CREM: variants seen among roughly 807,000 people sequenced by gnomAD.
CREM encodes the protein cAMP-responsive element modulator.
In CREM, 13 loss-of-function variants were observed where a neutral mutation model predicts 37.3. The observed-to-expected ratio is 0.35, with a 90% CI of 0.23 to 0.55. The LOEUF (loss-of-function observed/expected upper bound fraction) is 0.55. CREM is among the 20% of genes least tolerant of loss of function. The probability of loss-of-function intolerance (pLI) is 0.88; values close to 1 mark genes in which losing one functional copy is unlikely to be tolerated. For missense variants in CREM, 296 were observed against 362.3 expected (o/e 0.82, Z 1.49); for synonymous variants, 124 against 120.2 (o/e 1.03, Z -0.21).
intron 6 of CREM, among the ~76,000 whole-genome samples, chr10:35,188,705 G>C (rs1227853146): frequency 6.6e-6 from 1 of 150,946 alleles, no homozygotes; most frequent in Non-Finnish European, 1.5e-5. Flanking sequence ...TGGCGCCCAG[G>C]CTGGAGTACA....
chr10:35,211,431 C>T lies in CREM; in HGVS notation c.*33C>T, dbSNP rs972747731. On this transcript the variant is annotated 3_prime_UTR_variant, in exon 8 of 8. Coordinates refer to ENST00000685392, the MANE Select transcript of CREM (RefSeq NM_183011.2). Reference sequence around the variant, plus strand: ...TGACTTGGACCTTGTTTACTCTAATCAAGGCAGGAGATGCAGCAGTCCTAC... The same window carrying T: ...TGACTTGGACCTTGTTTACTCTAATTAAGGCAGGAGATGCAGCAGTCCTAC... 4 of 1,603,334 alleles carry T rather than the reference C, an allele frequency of 2.5e-6. No homozygotes were observed. The highest frequency in any genetic ancestry group is 2.6e-6 in the Non-Finnish European group (3 of 1,174,664).
intron 3 of CREM, among the ~76,000 whole-genome samples, chr10:35,174,367 A>G (rs534566892): frequency 6.6e-6 from 1 of 152,168 alleles, no homozygotes; most frequent in African/African-American, 2.4e-5. Context: ...TATTAATTCT[A>G]TTTTCTAATA....
Position 35,211,949 on chromosome 10 carries a change from C to T in CREM, c.*551C>T, listed in dbSNP as rs957653709. ...AACATTCCTAAAATGCTTCACTGTA[C>T]GTAGTTAAGTCGTAGCTATAACTTC... On this transcript the variant is annotated 3_prime_UTR_variant, in exon 8 of 8. Transcript: ENST00000685392. 3.0e-5 allele frequency: 24 copies of T among 787,298 alleles called. No homozygotes were observed. The highest frequency in any genetic ancestry group is 1.1e-4 in the Admixed American group (3 of 28,032). 48.8% of individuals were successfully genotyped at this position (787,298 alleles called of 1,614,324 possible). A position where few individuals can be genotyped will look rare whatever the true frequency, so the allele number is the denominator to read the frequency against.
At chr10:35,164,945 G>A (rs556545298) in intron 3 of CREM, among the ~76,000 whole-genome samples, 5 of 151,828 alleles carry the variant, frequency 3.3e-5, no homozygotes, top group South Asian at 2.1e-4. Context: ...CAGCTACGCC[G>A]GAGGCTGAGG....
intron 3 of CREM, among the ~76,000 whole-genome samples, chr10:35,159,040 C>T (rs2093124992): frequency 6.6e-6 from 1 of 151,922 alleles, no homozygotes; most frequent in East Asian, 1.9e-4. Context: ...TTCTTGAATT[C>T]ATCAGGGCTT....
At chr10:35,142,971 G>A (rs1421927730) in intron 2 of CREM, among the ~76,000 whole-genome samples, 2 of 152,094 alleles carry the variant, frequency 1.3e-5, no homozygotes, top group Non-Finnish European at 2.9e-5. Flanking sequence ...TGCAGGCATA[G>A]AGGAGATGAA....
chr10:35,162,195 C>A (rs1382575153), intron 3 of CREM, among the ~76,000 whole-genome samples: 3 of 152,198 alleles, frequency 2.0e-5, no homozygotes, highest in Non-Finnish European at 4.4e-5. Context: ...TGCATGCTCT[C>A]ACTCATGTGT....
chr10:35,144,771 T>A (rs1250783736), intron 2 of CREM, among the ~76,000 whole-genome samples: 3 of 152,104 alleles, frequency 2.0e-5, no homozygotes, highest in African/African-American at 7.2e-5. Flanking sequence ...CTTCTTGGAT[T>A]CTACAGTGTG....
At chr10:35,173,145 T>TA (rs1252495618) in intron 3 of CREM, among the ~76,000 whole-genome samples, 11 of 152,214 alleles carry the variant, frequency 7.2e-5, no homozygotes, top group Non-Finnish European at 2.9e-5. Flanking sequence ...TACAAAATCT[T>TA]ACGTGGGTAA....
Position 35,149,481 on chromosome 10 carries a change from C to A in CREM, c.168+990C>A, listed in dbSNP as rs187831598. On this transcript the variant is annotated intron_variant, in intron 3 of 7. Transcript: ENST00000685392. ...TAGTATTGAAATATTTTCAGGTGCC[C>A]ACCGTATTTTCAGTTTTGACACTAG... 2.6e-5 allele frequency among the ~76,000 whole-genome samples: 4 copies of A among 152,018 alleles called. No individual in the cohort carries two copies. The East Asian group carries it at 7.7e-4, about 29-fold the overall frequency.
At chr10:35,134,341 C>G (rs1291757812) in intron 1 of CREM, among the ~76,000 whole-genome samples, 1 of 152,202 alleles carries the variant, frequency 6.6e-6, no homozygotes, top group Non-Finnish European at 1.5e-5. Context: ...CTCACCCTCC[C>G]AAGGAGCTGG....
At chr10:35,174,383 C>T (rs985171264) in intron 3 of CREM, among the ~76,000 whole-genome samples, 2 of 152,160 alleles carry the variant, frequency 1.3e-5, no homozygotes, top group East Asian at 1.9e-4. Context: ...TAATAGTGCA[C>T]CTAGTACAAG....
intron 6 of CREM, among the ~76,000 whole-genome samples, chr10:35,193,086 T>A (rs970248021): frequency 1.3e-5 from 2 of 152,198 alleles, no homozygotes; most frequent in Non-Finnish European, 2.9e-5. Context: ...TAGGCAACCT[T>A]CTGTGAGTTC....
rs556409967 is a variant in CREM at position 35,178,636 on chromosome 10, C to T, written c.169-253C>T. On this transcript the variant is annotated intron_variant, in intron 3 of 7. Coordinates refer to ENST00000685392, the MANE Select transcript of CREM (RefSeq NM_183011.2). ...CATTTGACATCCCAACCACTCTTTCCCTAGTATTTCTGTAGTATAGAGTAC... is the reference window on the plus strand; with the variant it reads ...CATTTGACATCCCAACCACTCTTTCTCTAGTATTTCTGTAGTATAGAGTAC... Among the ~76,000 whole-genome samples the T allele has an allele frequency of 4.6e-5, 7 of 152,288 alleles. No individual in the cohort carries two copies. The East Asian group carries it at 5.8e-4, about 13-fold the overall frequency.
At chr10:35,152,293 C>T (rs1374130308) in intron 3 of CREM, 2 of 152,166 alleles carry the variant, frequency 1.3e-5, no homozygotes. Context: ...TTCTGCTAAT[C>T]AAGAATATAC....
At chr10:35,149,030 G>C (rs984440633) in intron 3 of CREM, among the ~76,000 whole-genome samples, 2 of 152,194 alleles carry the variant, frequency 1.3e-5, no homozygotes, top group African/African-American at 4.8e-5. Flanking sequence ...AATGTCTGCT[G>C]TGTCTAATTA....
chr10:35,173,023 T>C (rs1021801535), intron 3 of CREM, among the ~76,000 whole-genome samples: 3 of 152,206 alleles, frequency 2.0e-5, no homozygotes, highest in Non-Finnish European at 2.9e-5. Flanking sequence ...ATCAAACTGG[T>C]TATACTTTAA....
At chr10:35,129,273 T>C (rs1013167899) in intron 1 of CREM, among the ~76,000 whole-genome samples, 5 of 152,354 alleles carry the variant, frequency 3.3e-5, no homozygotes, top group African/African-American at 1.2e-4. Flanking sequence ...TTTTAGTCTT[T>C]TTGTTTTTGC....
intron 3 of CREM, among the ~76,000 whole-genome samples, chr10:35,163,259 ATG>A (rs1174652686): frequency 6.6e-6 from 1 of 152,078 alleles, no homozygotes; most frequent in African/African-American, 2.4e-5. Flanking sequence ...AAAATATTAA[ATG>A]TGTGCGTATT....
Sources: gnomAD v4.1 joint callset for allele counts (sites outside exome capture counted in the v4.1 genomes callset) on GRCh38, gnomAD v4.1.1 for gene constraint, MANE v1.5 for transcripts, NCBI Gene and HGNC (gene_info 2026-07-23, HGNC 2026-07-21) for gene names.